ADGRL2: variants seen among roughly 807,000 people sequenced by gnomAD.
The protein encoded by ADGRL2 is calcium-independent alpha-latrotoxin receptor 2.
Under a neutral mutation model 157.4 loss-of-function variants are expected in ADGRL2, and 44 were observed. The observed-to-expected ratio is 0.28, with a 90% confidence interval of 0.22 to 0.36. The LOEUF is 0.36. Among genes scored for constraint, ADGRL2 ranks in the 10% least tolerant of loss-of-function variants. The probability of loss-of-function intolerance (pLI) is 1.00; values close to 1 mark genes in which losing one functional copy is unlikely to be tolerated. For missense variants in ADGRL2, 1,510 were observed against 1,768.9 expected (o/e 0.85, Z 2.63); for synonymous variants, 585 against 624.7 (o/e 0.94, Z 0.95).
At chr1:81,572,447 G>A (rs978751033) in intron 2 of ADGRL2, among the ~76,000 whole-genome samples, 13 of 152,122 alleles carry the variant, frequency 8.5e-5, no homozygotes, top group African/African-American at 2.9e-4. Context: ...GGCTGATGGG[G>A]GATACAGAAA....
chr1:81,915,946 A>G (rs932665668), intron 3 of ADGRL2, among the ~76,000 whole-genome samples: 17 of 152,096 alleles, frequency 1.1e-4, no homozygotes, highest in African/African-American at 3.9e-4. Flanking sequence ...TGACAATGGT[A>G]TTTCTGTGGT....
In ADGRL2 at chr1:81,767,062, T is replaced by C. The variant is rs937009115; in HGVS notation, c.-101+5210T>C. On this transcript the variant is annotated intron_variant, in intron 2 of 20. Coordinates refer to the ADGRL2 transcript ENST00000359929. ...ACCTCATATATTTCATCCTGAAATA[T>C]ATAATTGTTGTTTATGTTTTGCAAC... 1.2e-4 allele frequency among the ~76,000 whole-genome samples: 18 copies of C among 152,122 alleles called. 1 individual carries two copies. The highest frequency in any genetic ancestry group is 9.7e-4 in the East Asian group (5 of 5,180).
At chr1:81,662,254 T>A (rs1326145027) in intron 3 of ADGRL2, among the ~76,000 whole-genome samples, 1 of 145,036 alleles carries the variant, frequency 6.9e-6, no homozygotes, top group East Asian at 2.0e-4. Flanking sequence ...CATTCATTCT[T>A]TTTTTTTTTT....
intron 2 of ADGRL2, among the ~76,000 whole-genome samples, chr1:81,766,830 C>CAAAAAAAAAAAAAAAAAAAAAA (rs71592740): frequency 1.2e-5 from 1 of 81,098 alleles, no homozygotes; most frequent in African/African-American, 4.9e-5. Context: ...AACTCCGTCT[C>CAAAAAAAAAAAAAAAAAAAAAA]AAAAAAAAAA....
chr1:81,821,413 T>C (rs904568732), intron 1 of ADGRL2, among the ~76,000 whole-genome samples: 3 of 152,158 alleles, frequency 2.0e-5, no homozygotes, highest in Non-Finnish European at 4.4e-5. Flanking sequence ...CTTTAGTGGG[T>C]CATTACATAC....
chr1:81,503,169 A>G, intron 2 of ADGRL2: 1 of 1,614,198 alleles, frequency 6.2e-7, no homozygotes. Context: ...TCAGCATGGC[A>G]CGGCAGCTCC....
At chr1:81,959,295 T>TCAAATATACTTTTATGAA (rs1553204918) in intron 11 of ADGRL2, among the ~76,000 whole-genome samples, 3 of 152,240 alleles carry the variant, frequency 2.0e-5, no homozygotes, top group Non-Finnish European at 4.4e-5. Flanking sequence ...TATTGTCCAT[T>TCAAATATACTTTTATGAA]CAAATATACT....
intron 2 of ADGRL2, among the ~76,000 whole-genome samples, chr1:81,480,314 AG>A (rs2078358938): frequency 6.6e-6 from 1 of 152,152 alleles, no homozygotes; most frequent in Non-Finnish European, 1.5e-5. Flanking sequence ...TAAGGTAAAA[AG>A]TCAAGTATTT....
chr1:81,938,354 C>CAGTTCCTGTAACCTAGTCT (rs1317524494), intron 4 of ADGRL2, among the ~76,000 whole-genome samples: 4 of 151,714 alleles, frequency 2.6e-5, no homozygotes, highest in Admixed American at 2.0e-4. Flanking sequence ...TTTCTGGAGC[C>CAGTTCCTGTAACCTAGTCT]AGTTCCTGTA....
chr1:81,542,254 C>T lies in ADGRL2; in HGVS notation c.-247-38622C>T, dbSNP rs143289495. On this transcript the variant is annotated intron_variant, in intron 2 of 24. Coordinates refer to the ADGRL2 transcript ENST00000370721. Reference sequence around the variant, plus strand: ...AACGTGTATATCTCTCCAAGTCTGTCGAGAGCAGCAGGAATGAGGAAAGTA... The same window carrying T: ...AACGTGTATATCTCTCCAAGTCTGTTGAGAGCAGCAGGAATGAGGAAAGTA... 1.1e-4 allele frequency among the ~76,000 whole-genome samples: 16 copies of T among 152,214 alleles called. No homozygotes were observed. In the East Asian group the frequency reaches 3.1e-3, roughly 29 times the overall value.
chr1:81,809,636 A>T lies in ADGRL2; in HGVS notation c.-101+8568A>T, dbSNP rs536188186. On this transcript the variant is annotated intron_variant, in intron 1 of 23. Transcript: ENST00000686636. ...AGGATGCACCATGAGGTTCCTAATA[A>T]AAATGGGCTTAATTTTGCTATTTTC... Among the ~76,000 whole-genome samples, 19 of 152,096 alleles carry T rather than the reference A, an allele frequency of 1.2e-4. No individual in the cohort carries two copies. In the South Asian group the frequency reaches 3.7e-3, roughly 30 times the overall value.
intron 3 of ADGRL2, among the ~76,000 whole-genome samples, chr1:81,650,829 C>A (rs1281764400): frequency 1.3e-5 from 2 of 152,170 alleles, no homozygotes; most frequent in East Asian, 3.9e-4. Context: ...TGTACCCCAT[C>A]TTCCAGACAT....
At chr1:81,677,945 C>G (rs2083030272) in intron 3 of ADGRL2, among the ~76,000 whole-genome samples, 1 of 152,152 alleles carries the variant, frequency 6.6e-6, no homozygotes, top group Non-Finnish European at 1.5e-5. Flanking sequence ...GTAACAAATA[C>G]ATTATATACT....
At chr1:81,388,037 C>T (rs912261773) in intron 1 of ADGRL2, among the ~76,000 whole-genome samples, 2 of 152,058 alleles carry the variant, frequency 1.3e-5, no homozygotes, top group South Asian at 2.1e-4. Context: ...TTTCTAAAAA[C>T]GTGTGAGGTG....
At chr1:81,730,606 C>G (rs944565733) in intron 1 of ADGRL2, among the ~76,000 whole-genome samples, 7 of 151,978 alleles carry the variant, frequency 4.6e-5, no homozygotes, top group Non-Finnish European at 8.8e-5. Flanking sequence ...GCTTATAATC[C>G]CAGCTACTTA....
At chr1:81,422,962 A>G (rs2077151997) in intron 1 of ADGRL2, among the ~76,000 whole-genome samples, 1 of 152,130 alleles carries the variant, frequency 6.6e-6, no homozygotes, top group African/African-American at 2.4e-5. Flanking sequence ...CCCTTTATGC[A>G]TTTACTAAAA....
At chr1:81,317,552 G>A (rs1557591236) in intron 1 of ADGRL2, among the ~76,000 whole-genome samples, 1 of 152,180 alleles carries the variant, frequency 6.6e-6, no homozygotes, top group African/African-American at 2.4e-5. Flanking sequence ...TGCATAGTTT[G>A]TGGAACATAG....
At chr1:81,537,488 G>T (rs979947112) in intron 2 of ADGRL2, among the ~76,000 whole-genome samples, 2 of 151,640 alleles carry the variant, frequency 1.3e-5, no homozygotes, top group African/African-American at 2.4e-5. Flanking sequence ...GTTTCTCCAC[G>T]TTGGTCAGGC....
At chr1:81,911,481 G>A (rs1338261520) in intron 3 of ADGRL2, among the ~76,000 whole-genome samples, 1 of 152,124 alleles carries the variant, frequency 6.6e-6, no homozygotes, top group African/African-American at 2.4e-5. Flanking sequence ...ACTAGTAGGT[G>A]TCTTAAAGTG....
Sources: gnomAD v4.1 joint callset for allele counts (sites outside exome capture counted in the v4.1 genomes callset) on GRCh38, gnomAD v4.1.1 for gene constraint, MANE v1.5 for transcripts, NCBI Gene and HGNC (gene_info 2026-07-23, HGNC 2026-07-21) for gene names.